The following SUGCT variants were observed in gnomAD, a reference collection of about 807,000 sequenced individuals.
SUGCT encodes the protein succinyl-CoA:glutarate CoA-transferase.
Under a neutral mutation model 55.0 loss-of-function variants are expected in SUGCT, and 41 were observed. The observed-to-expected ratio is 0.74, with a 90% CI of 0.58 to 0.97. The LOEUF is 0.97. SUGCT is among the 50% of genes least tolerant of loss of function. The pLI, the probability that SUGCT is intolerant of heterozygous loss-of-function variation, is 0.00. For synonymous variants in SUGCT, 187 were observed against 200.4 expected, an observed-to-expected ratio of 0.93 and a Z score of 0.56; for missense variants, 568 against 547.8, an observed-to-expected ratio of 1.04 and a Z score of -0.37.
the SUGCT span, among the ~76,000 whole-genome samples, chr7:40,907,463 A>G: frequency 1.3e-5 from 2 of 152,202 alleles, no homozygotes; most frequent in Non-Finnish European, 2.9e-5. Context: ...CTGAGTTATC[A>G]TTCTGTCAGG....
chr7:40,370,792 A>G (rs759029833), intron 9 of SUGCT, among the ~76,000 whole-genome samples: 3 of 152,128 alleles, frequency 2.0e-5, no homozygotes, highest in Non-Finnish European at 2.9e-5. Flanking sequence ...CTTCTTAGTA[A>G]GAAAAAAGTA....
chr7:40,845,717 C>T (rs532405765), intron 13 of SUGCT, among the ~76,000 whole-genome samples: 6 of 152,214 alleles, frequency 3.9e-5, no homozygotes, highest in South Asian at 4.2e-4. Flanking sequence ...ATCAATTGTT[C>T]GACAAATAAT....
chr7:40,844,268 C>G (rs1460795453), intron 13 of SUGCT, among the ~76,000 whole-genome samples: 2 of 152,070 alleles, frequency 1.3e-5, no homozygotes, highest in East Asian at 3.9e-4. Flanking sequence ...AGGGTGACAG[C>G]CTTTTACACC....
At chr7:40,950,945 C>G in the SUGCT span, among the ~76,000 whole-genome samples, 1 of 151,658 alleles carries the variant, frequency 6.6e-6, no homozygotes, top group Non-Finnish European at 1.5e-5. Flanking sequence ...CTCTGCCAGG[C>G]TTTGGTATCA....
chr7:40,583,495 A>C (rs1458502722), intron 12 of SUGCT, among the ~76,000 whole-genome samples: 2 of 152,084 alleles, frequency 1.3e-5, no homozygotes, highest in East Asian at 3.9e-4. Flanking sequence ...GAATTGTATG[A>C]TGATATTTAG....
At position 40,238,144 on chromosome 7, in the gene SUGCT, A is replaced by G. The variant is rs181759384; in HGVS notation, c.576+418A>G. Reference sequence around the variant, plus strand: ...TGTCCATTTCTACTAGAGTGCCTTCATCTGCCATGTGTACATAGCAGAGGG... The same window carrying G: ...TGTCCATTTCTACTAGAGTGCCTTCGTCTGCCATGTGTACATAGCAGAGGG... On this transcript the variant is annotated intron_variant, in intron 7 of 13. Coordinates refer to ENST00000335693, the MANE Select transcript of SUGCT (RefSeq NM_001193313.2). 1.0e-3 allele frequency among the ~76,000 whole-genome samples: 153 copies of G among 152,312 alleles called. 3 individuals carry two copies. The highest frequency in any genetic ancestry group is 3.5e-3 in the African/African-American group (144 of 41,570).
chr7:40,233,368 C>T (rs1276723252), intron 6 of SUGCT, among the ~76,000 whole-genome samples: 3 of 152,070 alleles, frequency 2.0e-5, no homozygotes, highest in Non-Finnish European at 1.5e-5. Flanking sequence ...TACAGGCATG[C>T]GCCACCATGC....
At chr7:40,797,514 C>G (rs915759515) in intron 13 of SUGCT, among the ~76,000 whole-genome samples, 5 of 152,162 alleles carry the variant, frequency 3.3e-5, no homozygotes, top group Non-Finnish European at 4.4e-5. Context: ...CTCTTATTCC[C>G]CACATCCATC....
chr7:40,432,575 A>G (rs1787951891), intron 9 of SUGCT, among the ~76,000 whole-genome samples: 1 of 151,074 alleles, frequency 6.6e-6, no homozygotes, highest in African/African-American at 2.4e-5. Context: ...AATCCCAGCT[A>G]CTCGGGAGGC....
At chr7:40,998,188 G>A in the SUGCT span, among the ~76,000 whole-genome samples, 1 of 152,106 alleles carries the variant, frequency 6.6e-6, no homozygotes, top group Admixed American at 6.5e-5. Context: ...TCAACATGAT[G>A]AAACCCCCGT....
intron 9 of SUGCT, among the ~76,000 whole-genome samples, chr7:40,368,624 AACGTAT>A (rs1784131277): frequency 6.6e-6 from 1 of 152,188 alleles, no homozygotes; most frequent in Admixed American, 6.6e-5. Context: ...ATCTTCATTG[AACGTAT>A]ACCTAGGTCT....
intron 7 of SUGCT, among the ~76,000 whole-genome samples, chr7:40,244,057 C>CA (rs1562606011): frequency 6.6e-6 from 1 of 152,066 alleles, no homozygotes; most frequent in Non-Finnish European, 1.5e-5. Context: ...CCTGTAATCC[C>CA]AGGTACTTGG....
intron 13 of SUGCT, among the ~76,000 whole-genome samples, chr7:40,820,768 G>A (rs1791946226): frequency 6.6e-6 from 1 of 151,980 alleles, no homozygotes; most frequent in Non-Finnish European, 1.5e-5. Flanking sequence ...TCTTTCTCCT[G>A]CCTGACACCC....
chr7:40,628,625 G>T (rs1354050460), intron 12 of SUGCT, among the ~76,000 whole-genome samples: 4 of 152,184 alleles, frequency 2.6e-5, no homozygotes, highest in African/African-American at 9.6e-5. Flanking sequence ...GTGTGTACAA[G>T]ATAAAATAAT....
Position 40,230,409 on chromosome 7 carries a change from A to C in SUGCT, c.485-7226A>C, listed in dbSNP as rs1403064849. ...TAAGGAACTGTTATTTTTATCCTAC[A>C]GGCAATTTCGTAAGAATTTCAATAA... On this transcript the variant is annotated intron_variant, in intron 6 of 13. Transcript: ENST00000335693. Among the ~76,000 whole-genome samples the C allele has an allele frequency of 5.9e-5, 9 of 152,226 alleles. No homozygotes were observed. The South Asian group carries it at 1.9e-3, about 31-fold the overall frequency.
At chr7:40,990,955 C>T in the SUGCT span, among the ~76,000 whole-genome samples, 1 of 152,220 alleles carries the variant, frequency 6.6e-6, no homozygotes, top group African/African-American at 2.4e-5. Flanking sequence ...GTCCAGGCCA[C>T]TCATACTTTC....
At chr7:40,167,552 C>G (rs192344246) in intron 1 of SUGCT, among the ~76,000 whole-genome samples, 1 of 152,152 alleles carries the variant, frequency 6.6e-6, no homozygotes, top group Non-Finnish European at 1.5e-5. Context: ...ACCTGGGGTT[C>G]TTGACCTCAC....
intron 8 of SUGCT, among the ~76,000 whole-genome samples, chr7:40,291,899 A>ATT (rs1793803688): frequency 6.6e-6 from 1 of 152,300 alleles, no homozygotes; most frequent in South Asian, 2.1e-4. Flanking sequence ...TAGAAGCTTA[A>ATT]AGAGGCAAGG....
intron 12 of SUGCT, among the ~76,000 whole-genome samples, chr7:40,531,283 G>C (rs1485601264): frequency 6.6e-6 from 1 of 152,168 alleles, no homozygotes; most frequent in Non-Finnish European, 1.5e-5. Context: ...AGTAACTAGT[G>C]TTATGCTTAT....
Sources: allele counts gnomAD v4.1 joint callset (sites outside exome capture counted in the v4.1 genomes callset), GRCh38; gene constraint gnomAD v4.1.1; transcripts MANE v1.5; gene names NCBI Gene and HGNC (gene_info 2026-07-23, HGNC 2026-07-21).